Variants in PMEPA1 observed in about 807,000 individuals in gnomAD.
PMEPA1 encodes prostate transmembrane protein, androgen induced 1, also known as protein TMEPAI.
A neutral mutation model predicts 23.0 loss-of-function variants in PMEPA1; 11 were observed. That is an observed-to-expected ratio of 0.48 (90% CI 0.30 to 0.79). The LOEUF is 0.79. Ranked by LOEUF, PMEPA1 falls within the 30% of genes least tolerant of loss-of-function variation. PMEPA1 has a pLI of 0.06. For missense variants in PMEPA1, 377 were observed against 390.9 expected, an observed-to-expected ratio of 0.96 and a Z score of 0.30; for synonymous variants, 204 against 166.4, an observed-to-expected ratio of 1.23 and a Z score of -1.74.
chr20:57,686,827 C>T (rs982107948), intron 1 of PMEPA1, among the ~76,000 whole-genome samples: 1 of 152,214 alleles, frequency 6.6e-6, no homozygotes, highest in African/African-American at 2.4e-5. Context: ...ACCCCACAAA[C>T]AAAACCATGG....
chr20:57,652,598 G>T lies in PMEPA1; in HGVS notation c.319C>A (p.Pro107Thr). ...STVSGNGIPE[P>T]QVYAPPRPTD... The stretch of plus-strand genomic sequence containing the variant: ...GGCCGAGGCGGGGCGTAGACCTGCG[G>T]CTGGAGGAAGCAGAGCGGGAGTGAG... Residue 107 changes from proline (P) to threonine (T), a missense_variant and splice_region_variant, in exon 4 of 4, where the codon CCG becomes ACG. Transcript: ENST00000341744. This position sits in a 1 kb window ranked among gnomAD's most constrained non-coding sequence, Gnocchi z 6.1. 6.8e-7 allele frequency: 1 copy of T among 1,471,540 alleles called. No individual in the cohort carries two copies. 91.2% of individuals were successfully genotyped at this position (1,471,540 alleles called of 1,614,324 possible).
chr20:57,679,954 C>T (rs895469418), intron 1 of PMEPA1, among the ~76,000 whole-genome samples: 5 of 152,210 alleles, frequency 3.3e-5, no homozygotes, highest in Non-Finnish European at 7.3e-5. Context: ...GAGCCAGAGC[C>T]TGCGCCTTCC....
At position 57,656,103 on chromosome 20, in the gene PMEPA1, G is replaced by C. The variant is rs1189845326; in HGVS notation, c.265-3017C>G. ...CAGGAACATCCAAGGGGACGGGATG[G>C]CCTTCTATCAAACTTCGAGGACTCA... is the stretch of plus-strand genomic sequence containing the variant. On this transcript the variant is annotated intron_variant, in intron 2 of 3. Transcript: ENST00000341744. The surrounding 1 kb of genome is among the most constrained non-coding windows in gnomAD (Gnocchi z 4.7). Among the ~76,000 whole-genome samples, 1 of 151,836 alleles carries C rather than the reference G, an allele frequency of 6.6e-6. No homozygotes were observed. Among genetic ancestry groups the C allele is most frequent in the Non-Finnish European group, 1.5e-5 (1 of 67,932 alleles).
intron 1 of PMEPA1, among the ~76,000 whole-genome samples, chr20:57,708,921 C>T (rs189658169): frequency 1.3e-5 from 2 of 152,092 alleles, no homozygotes; most frequent in African/African-American, 4.8e-5. Context: ...CTCAGACCCC[C>T]AGACACCCCG....
At chr20:57,707,643 T>C (rs961854385) in intron 1 of PMEPA1, among the ~76,000 whole-genome samples, 1 of 146,992 alleles carries the variant, frequency 6.8e-6, no homozygotes, top group Non-Finnish European at 1.5e-5. Flanking sequence ...ATAAGAACAA[T>C]GCTTTTTTTT....
chr20:57,700,618 C>G (rs943475074), intron 1 of PMEPA1, among the ~76,000 whole-genome samples: 6 of 152,128 alleles, frequency 3.9e-5, no homozygotes, highest in African/African-American at 1.4e-4. Flanking sequence ...ATCCACCATC[C>G]AGATCCCAGA....
chr20:57,693,251 C>G (rs1210706326), intron 1 of PMEPA1, among the ~76,000 whole-genome samples: 1 of 152,238 alleles, frequency 6.6e-6, no homozygotes, highest in Non-Finnish European at 1.5e-5. Flanking sequence ...GAGGCAGGCC[C>G]ACAGGATGAG....
At chr20:57,679,625 C>T (rs1236210195) in intron 1 of PMEPA1, among the ~76,000 whole-genome samples, 2 of 152,238 alleles carry the variant, frequency 1.3e-5, no homozygotes. Context: ...CAGGCGCTCG[C>T]TTCCTTAGTG....
chr20:57,689,876 A>G (rs2071852720), intron 1 of PMEPA1, among the ~76,000 whole-genome samples: 1 of 152,070 alleles, frequency 6.6e-6, no homozygotes, highest in Non-Finnish European at 1.5e-5. Flanking sequence ...CAGCAGCTCT[A>G]TATATCGGAG....
At chr20:57,690,329 ACCCG>A in intron 1 of PMEPA1, 1 of 761,916 alleles carries the variant, frequency 1.3e-6, no homozygotes. Flanking sequence ...CACCACTGCC[ACCCG>A]CCCTGCATCA....
chr20:57,698,806 C>T (rs1208301767), intron 1 of PMEPA1, among the ~76,000 whole-genome samples: 6 of 152,262 alleles, frequency 3.9e-5, no homozygotes, highest in Middle Eastern at 3.4e-3. Flanking sequence ...TCAGCACGTA[C>T]ATATAGAGGC....
rs1287570876 is a variant in PMEPA1, at chr20:57,648,812, A to G, written c.*3241T>C. On this transcript the variant is annotated 3_prime_UTR_variant, in exon 4 of 4. Coordinates refer to ENST00000341744, the MANE Select transcript of PMEPA1 (RefSeq NM_020182.5). ...TCGACGGGATATTTTATGGTTCTGG[A>G]AGCTTCGTGTTGCACATAGGAAAAA... 6.6e-6 allele frequency: 1 copy of G among 152,174 alleles called. No individual in the cohort carries two copies. Among genetic ancestry groups the G allele is most frequent in the Non-Finnish European group, 1.5e-5 (1 of 68,038 alleles). The allele number at this position is 152,174 out of a possible 1,614,324, so 9.4% of individuals were successfully genotyped here.
chr20:57,678,129 A>G (rs2071663674), intron 1 of PMEPA1, among the ~76,000 whole-genome samples: 1 of 152,194 alleles, frequency 6.6e-6, no homozygotes, highest in Non-Finnish European at 1.5e-5. Context: ...AAATCTACGC[A>G]TACAATAAAA....
At position 57,652,556 on chromosome 20, in the gene PMEPA1, C is replaced by G. The variant is rs1476690900; in HGVS notation, c.361G>C (p.Val121Leu). The G allele has an allele frequency of 6.5e-7, 1 of 1,526,792 alleles. No individual in the cohort carries two copies. The highest frequency in any genetic ancestry group is 8.8e-7 in the Non-Finnish European group (1 of 1,137,094). The allele number at this position is 1,526,792 out of a possible 1,614,324, so 94.6% of individuals were successfully genotyped here. A position where few individuals can be genotyped will look rare whatever the true frequency, so the allele number is the denominator to read the frequency against. The change falls in exon 4 of 4, where the codon GTG (valine) becomes CTG (leucine). Residue 121 changes from valine to leucine, a missense_variant. This residue lies in a region of PMEPA1 where 198 missense variants were observed against 196.3 expected (regional missense o/e 1.01). Transcript: ENST00000341744. The surrounding 1 kb of genome is among the most constrained non-coding windows in gnomAD (Gnocchi z 6.1). Reference sequence around the variant, plus strand: ...CGCTCCCGCTGGGCGAAGGGCGGCACGGCCAGGCGGTCGGTGGGCCGAGGC... The same window carrying G: ...CGCTCCCGCTGGGCGAAGGGCGGCAGGGCCAGGCGGTCGGTGGGCCGAGGC... ...APPRPTDRLA[V>L]PPFAQRERFH...
At chr20:57,653,498 A>T (rs905652212) in intron 2 of PMEPA1, among the ~76,000 whole-genome samples, 1 of 152,188 alleles carries the variant, frequency 6.6e-6, no homozygotes, top group African/African-American at 2.4e-5. Flanking sequence ...GCGTCAAGTT[A>T]CTTAATTTCA....
chr20:57,663,773 G>A (rs2071455369), intron 1 of PMEPA1, among the ~76,000 whole-genome samples: 1 of 152,202 alleles, frequency 6.6e-6, no homozygotes, highest in South Asian at 2.1e-4. Context: ...ACCTGGAGGT[G>A]TTGAGGGGGG....
chr20:57,690,614 G>A, intron 1 of PMEPA1: 1 of 1,218,584 alleles, frequency 8.2e-7, no homozygotes, highest in Non-Finnish European at 1.0e-6. Context: ...AGGTGGCAGG[G>A]GCCTGGAGAG....
At chr20:57,668,913 C>T (rs2071529919) in intron 1 of PMEPA1, among the ~76,000 whole-genome samples, 1 of 152,184 alleles carries the variant, frequency 6.6e-6, no homozygotes, top group East Asian at 1.9e-4. Flanking sequence ...CAGACTAAAA[C>T]AGCCCTCTGC....
At chr20:57,701,642 A>G (rs6025730) in intron 1 of PMEPA1, among the ~76,000 whole-genome samples, 2,421 of 152,226 alleles carry the variant, frequency 0.016, 65 homozygotes, top group African/African-American at 0.055. Flanking sequence ...CACATTTTGT[A>G]CCAGAGGTGC....
Sources: gnomAD v4.1 joint callset for allele counts (sites outside exome capture counted in the v4.1 genomes callset) on GRCh38, gnomAD v4.1.1 for gene constraint, gnomAD v4.1.1 regional missense constraint, Gnocchi (gnomAD v3.1) non-coding constraint, MANE v1.5 for transcripts, NCBI Gene and HGNC (gene_info 2026-07-23, HGNC 2026-07-21) for gene names.